The following ACOX2 variants were observed in gnomAD, a reference collection of about 807,000 sequenced individuals.
The protein encoded by ACOX2 is acyl-CoA oxidase 2, also known as peroxisomal acyl-coenzyme A oxidase 2.
In ACOX2, 59 loss-of-function variants were observed where a neutral mutation model predicts 77.5. The observed-to-expected ratio is 0.76, with a 90% CI of 0.62 to 0.95. The LOEUF is 0.95. Among genes scored for constraint, ACOX2 ranks in the 40% least tolerant of loss-of-function variants. The probability of loss-of-function intolerance (pLI) is 0.00; values close to 1 mark genes in which losing one functional copy is unlikely to be tolerated. For missense variants in ACOX2, 837 were observed against 880.4 expected, an observed-to-expected ratio of 0.95 and a Z score of 0.62; for synonymous variants, 317 against 340.1, an observed-to-expected ratio of 0.93 and a Z score of 0.75.
In ACOX2 at chr3:58,522,480, G is replaced by A; in HGVS notation, c.1632+16C>T. 1 of 1,612,238 alleles carries A rather than the reference G, an allele frequency of 6.2e-7. No individual in the cohort carries two copies. Among genetic ancestry groups the A allele is most frequent in the Non-Finnish European group, 8.5e-7 (1 of 1,178,332 alleles). Reference sequence around the variant, plus strand: ...GCAAAATGGATCCCTTTCAGCTTCAGCTGGCAGGCGCTCACCTTAGCAGCC... The same window carrying A: ...GCAAAATGGATCCCTTTCAGCTTCAACTGGCAGGCGCTCACCTTAGCAGCC... On this transcript the variant is annotated intron_variant, in intron 12 of 14. Coordinates refer to ENST00000302819, the MANE Select transcript of ACOX2 (RefSeq NM_003500.4). The surrounding 1 kb of genome is among the most constrained non-coding windows in gnomAD (Gnocchi z 4.3).
chr3:58,533,551 C>T lies in ACOX2; in HGVS notation c.477G>A (p.Gly159=), dbSNP rs761030704. The change falls in exon 5 of 15, where the codon GGG becomes GGA. Residue 159 remains glycine, a splice_region_variant and synonymous_variant. Transcript: ENST00000302819. This position sits in a 1 kb window ranked among gnomAD's most constrained non-coding sequence, Gnocchi z 5.6. ...ATYAQTELGH[G]TYLQGLETEA... ...CAGTCTCCAGGCCCTGAAGATATGT[C>T]CCTTAGGATCAAGGAGAGGTGTTAG... The T allele has an allele frequency of 6.2e-7, 1 of 1,613,868 alleles. No individual in the cohort carries two copies. Among genetic ancestry groups the T allele is most frequent in the Non-Finnish European group, 8.5e-7 (1 of 1,179,900 alleles).
Position 58,526,645 on chromosome 3 carries a change from C to T in ACOX2, c.1167G>A (p.Leu389=), listed in dbSNP as rs569971615. 12 of 1,613,888 alleles carry T rather than the reference C, an allele frequency of 7.4e-6. No homozygotes were observed. The highest frequency in any genetic ancestry group is 6.7e-5 in the African/African-American group (5 of 75,042). The change falls in exon 10 of 15, where the codon CTG becomes CTA. Residue 389 remains leucine, a synonymous_variant. Transcript: ENST00000302819. The surrounding 1 kb of genome is among the most constrained non-coding windows in gnomAD (Gnocchi z 4.3). ...ACATCATGGCCTTCATGCCCGTGCT[C>T]AGTGCGTGGAGCTGTGAGAACATGG... is the stretch of plus-strand genomic sequence containing the variant. ...DFSFLPELHA[L]STGMKAMMSE...
Position 58,535,409 on chromosome 3 carries a change from C to T in ACOX2, c.-91-212G>A, listed in dbSNP as rs2063474807. ...ACTTGTTAGCCAAAATTGGACAGGG[C>T]CTGACCCCAAAGATTGGGCTCTATC... On this transcript the variant is annotated intron_variant, in intron 1 of 14. Coordinates refer to ENST00000302819, the MANE Select transcript of ACOX2 (RefSeq NM_003500.4). This position sits in a 1 kb window ranked among gnomAD's most constrained non-coding sequence, Gnocchi z 4.8. 1.3e-5 allele frequency among the ~76,000 whole-genome samples: 2 copies of T among 152,154 alleles called. No homozygotes were observed. The highest frequency in any genetic ancestry group is 2.1e-4 in the South Asian group (1 of 4,832).
In ACOX2 at chr3:58,534,004, C is replaced by G. The variant is rs764415574; in HGVS notation, c.465G>C (p.Glu155Asp). The change falls in exon 4 of 15, where the codon GAG becomes GAC. Residue 155 changes from glutamate (E) to aspartate (D), a missense_variant. Transcript: ENST00000302819. This position sits in a 1 kb window ranked among gnomAD's most constrained non-coding sequence, Gnocchi z 4.8. ...IQIIATYAQT[E>D]LGHGTYLQGL... ...GCAGTCCTAGCTCACCATGTCCCAA[C>G]TCTGTCTGTGCATACGTTGCGATGA... is the stretch of plus-strand genomic sequence containing the variant. The G allele has an allele frequency of 1.4e-5, 22 of 1,614,066 alleles. No homozygotes were observed. In the South Asian group the frequency reaches 2.3e-4, roughly 17 times the overall value.
intron 12 of ACOX2, 67 bp from the exon 13 acceptor site, chr3:58,517,490 A>AGC: frequency 1.4e-6 from 2 of 1,465,178 alleles, no homozygotes; most frequent in Non-Finnish European, 1.9e-6. Context: ...CCCTGGAAGC[A>AGC]TGGCAAGATG....
chr3:58,534,059 T>G lies in ACOX2; in HGVS notation c.410A>C (p.Lys137Thr), dbSNP rs1203715770. 1.9e-6 allele frequency: 3 copies of G among 1,614,178 alleles called. No individual in the cohort carries two copies. In the Admixed American group the frequency reaches 5.0e-5, roughly 27 times the overall value. ...RSLGSEEQIA[K>T]WDPLCKNIQI... ...GATGTTTTTGCAGAGTGGGTCCCAT[T>G]TGGCAATCTGCTCCTCTGAGCCCAG... Residue 137 changes from lysine (K) to threonine (T), a missense_variant, in exon 4 of 15, where the codon AAA becomes ACA. Physicochemically the swap from Lys to Thr is moderately conservative, Grantham distance 78. Transcript: ENST00000302819. This position sits in a 1 kb window ranked among gnomAD's most constrained non-coding sequence, Gnocchi z 4.8.
At chr3:58,511,071 A>G (rs1239625652) in intron 13 of ACOX2, 1 of 456,510 alleles carries the variant, frequency 2.2e-6, no homozygotes, top group Non-Finnish European at 4.4e-6. Context: ...AAGTGGAAGC[A>G]GTAAGAGAAT....
rs1388361019 is a variant in ACOX2 at position 58,528,765 on chromosome 3, G to A, written c.1155+29C>T. ...CAATCTTAGCTCCCAGCGCCTGCCA[G>A]CGCCTGCCCCTCCGCAGACAGCAGG... On this transcript the variant is annotated intron_variant, in intron 9 of 14. Transcript: ENST00000302819. This position sits in a 1 kb window ranked among gnomAD's most constrained non-coding sequence, Gnocchi z 5.6. 2 of 1,580,816 alleles carry A rather than the reference G, an allele frequency of 1.3e-6. No homozygotes were observed. Among genetic ancestry groups the A allele is most frequent in the South Asian group, 1.2e-5 (1 of 85,512 alleles).
rs2063399951 is a variant in ACOX2, at chr3:58,526,939, GCCCACAAACCTC to G, written c.1156-295_1156-284del. The stretch of plus-strand genomic sequence containing the variant: ...GGGAAGAGGGTGCTGCCTGGATTGG[GCCCACAAACCTC>G]CAGGAGTTACGGATTTTGCTGGCCT... On this transcript the variant is annotated intron_variant, in intron 9 of 14. Coordinates refer to ENST00000302819, the MANE Select transcript of ACOX2 (RefSeq NM_003500.4). This position sits in a 1 kb window ranked among gnomAD's most constrained non-coding sequence, Gnocchi z 4.3. Among the ~76,000 whole-genome samples, 1 of 152,124 alleles carries G rather than the reference GCCCACAAACCTC, an allele frequency of 6.6e-6. No homozygotes were observed. The highest frequency in any genetic ancestry group is 1.5e-5 in the Non-Finnish European group (1 of 68,010).
At position 58,535,625 on chromosome 3, in the gene ACOX2, AT is replaced by A. The variant is rs1208564536; in HGVS notation, c.-91-429del. On this transcript the variant is annotated intron_variant, in intron 1 of 14. Transcript: ENST00000302819. The surrounding 1 kb of genome is among the most constrained non-coding windows in gnomAD (Gnocchi z 4.8). ...CCATACTACAGCTCCACTGTGGAGG[AT>A]TGCTGGGGGCACCTTGGTCTCATTA... Among the ~76,000 whole-genome samples the A allele has an allele frequency of 2.0e-5, 3 of 152,094 alleles. No homozygotes were observed. Among genetic ancestry groups the A allele is most frequent in the Admixed American group, 1.3e-4 (2 of 15,284 alleles).
chr3:58,526,350 A>G lies in ACOX2; in HGVS notation c.1346+116T>C. ...TACTGGGGAATTGGACAGCTCCCAA[A>G]TAGCACTTCGCAAAGCCTGCTCTTT... On this transcript the variant is annotated intron_variant, in intron 10 of 14. Coordinates refer to ENST00000302819, the MANE Select transcript of ACOX2 (RefSeq NM_003500.4). This position sits in a 1 kb window ranked among gnomAD's most constrained non-coding sequence, Gnocchi z 4.3. 8.1e-7 allele frequency: 1 copy of G among 1,230,954 alleles called. No individual in the cohort carries two copies. Among genetic ancestry groups the G allele is most frequent in the Non-Finnish European group, 1.1e-6 (1 of 898,516 alleles). 76.3% of individuals were successfully genotyped at this position (1,230,954 alleles called of 1,614,324 possible).
Position 58,517,443 on chromosome 3 carries a change from T to C in ACOX2, c.1633-20A>G. 2 of 1,609,266 alleles carry C rather than the reference T, an allele frequency of 1.2e-6. No homozygotes were observed. The highest frequency in any genetic ancestry group is 1.1e-5 in the South Asian group (1 of 90,992). On this transcript the variant is annotated intron_variant, in intron 12 of 14. Coordinates refer to ENST00000302819, the MANE Select transcript of ACOX2 (RefSeq NM_003500.4). The stretch of plus-strand genomic sequence containing the variant: ...GTGCACCTACAAAGACACAAAGATA[T>C]GTTCTCCTGATTTCTGGTTTTCTAC...
chr3:58,518,156 G>A (rs2063335519), intron 12 of ACOX2, among the ~76,000 whole-genome samples: 1 of 151,780 alleles, frequency 6.6e-6, no homozygotes, highest in African/African-American at 2.4e-5. Flanking sequence ...AGTGGTGTGT[G>A]TGTGTGCGTG....
At position 58,534,811 on chromosome 3, in the gene ACOX2, G is replaced by A. The variant is rs148431439; in HGVS notation, c.160+136C>T. 1,490 of 1,448,700 alleles carry A rather than the reference G, an allele frequency of 1.0e-3. 11 individuals are homozygous for A. In the African/African-American group the frequency reaches 0.018, roughly 17 times the overall value. The allele number at this position is 1,448,700 out of a possible 1,614,324, so 89.7% of individuals were successfully genotyped here. A position where few individuals can be genotyped will look rare whatever the true frequency, so the allele number is the denominator to read the frequency against. ...CATGTGAAGATTGTCTTTACAGTTC[G>A]AAGGAATGAATCTCTAACAGTGGAA... On this transcript the variant is annotated intron_variant, in intron 2 of 14. Transcript: ENST00000302819. This position sits in a 1 kb window ranked among gnomAD's most constrained non-coding sequence, Gnocchi z 4.8.
intron 5 of ACOX2, among the ~76,000 whole-genome samples, chr3:58,532,454 C>T (rs560632110): frequency 3.0e-4 from 46 of 152,056 alleles, no homozygotes; most frequent in African/African-American, 1.0e-3. Context: ...GGCCTGAGCT[C>T]GGCTCATTGC....
intron 12 of ACOX2, 108 bp from the exon 13 acceptor site, chr3:58,517,531 C>A: frequency 9.1e-7 from 1 of 1,100,450 alleles, no homozygotes; most frequent in African/African-American, 1.5e-5. Context: ...TGATGTGCTT[C>A]CCAGCAGGCT....
rs770977337 is a variant in ACOX2, at chr3:58,508,963, A to G, written c.1913T>C (p.Leu638Pro). 3 of 1,614,100 alleles carry G rather than the reference A, an allele frequency of 1.9e-6. No individual in the cohort carries two copies. The highest frequency in any genetic ancestry group is 2.2e-5 in the East Asian group (1 of 44,888). ...DFTDQCLNSA[L>P]GCYDGNVYER... ...GTAGACGTTTCCATCATAACAGCCA[A>G]GTGCTGAATTTAAACACTGATCGGT... is the stretch of plus-strand genomic sequence containing the variant. The change falls in exon 14 of 15, where the codon CTT (leucine) becomes CCT (proline). Residue 638 changes from leucine to proline, a missense_variant. Physicochemically the swap from Leu to Pro is moderately conservative, Grantham distance 98. Transcript: ENST00000302819.
chr3:58,510,592 C>T (rs1277479086), intron 13 of ACOX2, among the ~76,000 whole-genome samples: 3 of 131,918 alleles, frequency 2.3e-5, no homozygotes, highest in East Asian at 2.4e-4. Context: ...GAGATCGTGC[C>T]GCTGCACTCC....
At chr3:58,518,814 T>C (rs1482686376) in intron 12 of ACOX2, among the ~76,000 whole-genome samples, 2 of 151,362 alleles carry the variant, frequency 1.3e-5, no homozygotes, top group African/African-American at 4.9e-5. Flanking sequence ...TTTTTTTGTA[T>C]TTTTAGTAGA....
Sources: allele counts gnomAD v4.1 joint callset (sites outside exome capture counted in the v4.1 genomes callset), GRCh38; gene constraint gnomAD v4.1.1; non-coding constraint Gnocchi (gnomAD v3.1); transcripts MANE v1.5; gene names NCBI Gene and HGNC (gene_info 2026-07-23, HGNC 2026-07-21).